SEMA3E: variants seen among roughly 807,000 people sequenced by gnomAD.
SEMA3E encodes the protein semaphorin 3E.
Under a neutral mutation model 93.6 loss-of-function variants are expected in SEMA3E, and 49 were observed. That is an observed-to-expected ratio of 0.52 (90% CI 0.42 to 0.66). SEMA3E has a LOEUF of 0.66. Ranked by LOEUF, SEMA3E falls within the 30% of genes least tolerant of loss-of-function variation. The pLI is 0.00. For missense variants in SEMA3E, 906 were observed against 964.8 expected, an observed-to-expected ratio of 0.94 and a Z score of 0.81; for synonymous variants, 363 against 330.7, an observed-to-expected ratio of 1.10 and a Z score of -1.06.
chr7:83,546,894 A>T (rs984903355), intron 1 of SEMA3E, among the ~76,000 whole-genome samples: 1 of 152,164 alleles, frequency 6.6e-6, no homozygotes, highest in African/African-American at 2.4e-5. Flanking sequence ...AATTTTATTG[A>T]TGAAGATACC....
At position 83,547,353 on chromosome 7, in the gene SEMA3E, C is replaced by T. The variant is rs1391066; in HGVS notation, c.116-57079G>A. 4.2e-3 allele frequency among the ~76,000 whole-genome samples: 643 copies of T among 152,190 alleles called. 3 individuals are homozygous for T. The highest frequency in any genetic ancestry group is 0.015 in the African/African-American group (606 of 41,544). On this transcript the variant is annotated intron_variant, in intron 1 of 16. Transcript: ENST00000643230. ...TGAGACTAGTTCATCGAGATGCTGT[C>T]AGTAGAATCATTGCTCTATAAACTT...
At chr7:83,636,792 G>A (rs1418137807) in intron 1 of SEMA3E, among the ~76,000 whole-genome samples, 1 of 152,046 alleles carries the variant, frequency 6.6e-6, no homozygotes, top group Non-Finnish European at 1.5e-5. Flanking sequence ...CACATGGCAG[G>A]ATGGTGCAAG....
intron 1 of SEMA3E, among the ~76,000 whole-genome samples, chr7:83,511,975 T>C (rs1159485110): frequency 6.6e-6 from 1 of 152,162 alleles, no homozygotes; most frequent in Non-Finnish European, 1.5e-5. Context: ...ATATGAAAAG[T>C]ATTTTCTAAG....
chr7:83,414,083 G>A (rs1788496086), intron 5 of SEMA3E, among the ~76,000 whole-genome samples: 1 of 152,152 alleles, frequency 6.6e-6, no homozygotes, highest in Admixed American at 6.6e-5. Context: ...AGCAGCATTG[G>A]ATAAGAAATT....
intron 1 of SEMA3E, among the ~76,000 whole-genome samples, chr7:83,561,133 T>A: frequency 6.6e-6 from 1 of 152,092 alleles, no homozygotes; most frequent in East Asian, 1.9e-4. Flanking sequence ...TTCAGGAATT[T>A]GTATTTATCA....
chr7:83,466,564 T>G lies in SEMA3E; in HGVS notation c.374A>C (p.Tyr125Ser). ...ACAGGTCAGAAGGTGTGTCCTGTTA[T>G]AGTGATGCAAAACCCGAACATAATT... ...CANYVRVLHHYNRTHLLTCGT... is the reference protein window; with the variant it reads ...CANYVRVLHHSNRTHLLTCGT... The change falls in exon 4 of 17, where the codon TAT becomes TCT. Residue 125 changes from tyrosine (Y) to serine (S), a missense_variant. Coordinates refer to ENST00000643230, the MANE Select transcript of SEMA3E (RefSeq NM_012431.3). The G allele has an allele frequency of 6.2e-7, 1 of 1,614,004 alleles. No homozygotes were observed. Among genetic ancestry groups the G allele is most frequent in the Non-Finnish European group, 8.5e-7 (1 of 1,180,006 alleles).
chr7:83,410,792 G>A (rs1345998798), intron 5 of SEMA3E, among the ~76,000 whole-genome samples: 1 of 152,012 alleles, frequency 6.6e-6, no homozygotes, highest in African/African-American at 2.4e-5. Context: ...ATTAACACAT[G>A]AGTGAGGATT....
chr7:83,504,744 G>C (rs938480531), intron 1 of SEMA3E, among the ~76,000 whole-genome samples: 1 of 152,020 alleles, frequency 6.6e-6, no homozygotes, highest in Non-Finnish European at 1.5e-5. Flanking sequence ...GAGGCAAATA[G>C]TACCTAAGAA....
chr7:83,522,787 G>A (rs1791076182), intron 1 of SEMA3E, among the ~76,000 whole-genome samples: 1 of 152,036 alleles, frequency 6.6e-6, no homozygotes, highest in Non-Finnish European at 1.5e-5. Flanking sequence ...CTACCTCAAT[G>A]CCTTCTGTTC....
At chr7:83,643,964 G>A (rs1029767376) in intron 1 of SEMA3E, among the ~76,000 whole-genome samples, 1 of 151,854 alleles carries the variant, frequency 6.6e-6, no homozygotes, top group Non-Finnish European at 1.5e-5. Flanking sequence ...ATTGGATGAG[G>A]AACCAAAGCT....
intron 1 of SEMA3E, among the ~76,000 whole-genome samples, chr7:83,606,610 G>T (rs1793124355): frequency 7.3e-6 from 1 of 137,882 alleles, no homozygotes; most frequent in African/African-American, 2.7e-5. Context: ...TGGGGACTGT[G>T]GTGGGGTCGG....
In SEMA3E at chr7:83,365,394, G is replaced by A. The variant is rs1484401565; in HGVS notation, c.*2192C>T. 4 of 152,024 alleles carry A rather than the reference G, an allele frequency of 2.6e-5. No homozygotes were observed. Among genetic ancestry groups the A allele is most frequent in the South Asian group, 2.1e-4 (1 of 4,830 alleles). 9.4% of individuals were successfully genotyped at this position (152,024 alleles called of 1,614,324 possible). The stretch of plus-strand genomic sequence containing the variant: ...CAAATTGTGGACTTGGGCCCTCAAA[G>A]TTTTCTTATCAATTTTCTTTCAAAT... On this transcript the variant is annotated 3_prime_UTR_variant, in exon 17 of 17. Transcript: ENST00000643230.
chr7:83,541,596 A>G (rs1340671256), intron 1 of SEMA3E, among the ~76,000 whole-genome samples: 1 of 152,166 alleles, frequency 6.6e-6, no homozygotes, highest in African/African-American at 2.4e-5. Flanking sequence ...CAGCAACAAG[A>G]TAATAACGGG....
intron 1 of SEMA3E, among the ~76,000 whole-genome samples, chr7:83,501,068 T>C (rs139661449): frequency 2.0e-5 from 3 of 152,358 alleles, no homozygotes; most frequent in East Asian, 1.9e-4. Context: ...TTAGCTCTTA[T>C]ACAATATTTA....
intron 2 of SEMA3E, among the ~76,000 whole-genome samples, chr7:83,480,468 T>C (rs893772353): frequency 3.3e-5 from 5 of 152,146 alleles, no homozygotes; most frequent in African/African-American, 1.2e-4. Flanking sequence ...ATTAAGATGT[T>C]TTAAAGTCAC....
rs1584245872 is a variant in SEMA3E at position 83,433,320 on chromosome 7, GT to G, written c.457-14838del. Among the ~76,000 whole-genome samples the G allele has an allele frequency of 2.0e-5, 3 of 152,240 alleles. No individual in the cohort carries two copies. The East Asian group carries it at 5.8e-4, about 29-fold the overall frequency. ...AACTAATAGTTACAAAGGGAACTGA[GT>G]GTCTTATTGAGGTTTATATTTCATA... is the stretch of plus-strand genomic sequence containing the variant. On this transcript the variant is annotated intron_variant, in intron 4 of 16. Transcript: ENST00000643230.
intron 1 of SEMA3E, among the ~76,000 whole-genome samples, chr7:83,580,747 A>G (rs568611812): frequency 1.3e-5 from 2 of 152,132 alleles, no homozygotes; most frequent in South Asian, 4.1e-4. Flanking sequence ...GTCAATTTAT[A>G]TAACCCTCTC....
At chr7:83,564,274 C>A (rs541905178) in intron 1 of SEMA3E, among the ~76,000 whole-genome samples, 1 of 152,142 alleles carries the variant, frequency 6.6e-6, no homozygotes, top group African/African-American at 2.4e-5. Context: ...CAAAAATTAG[C>A]CAGGCTTGGT....
At chr7:83,380,749 G>A (rs542068452) in intron 16 of SEMA3E, among the ~76,000 whole-genome samples, 4 of 151,914 alleles carry the variant, frequency 2.6e-5, no homozygotes, top group Non-Finnish European at 5.9e-5. Flanking sequence ...AACTTCACAA[G>A]AGCTAAGATG....
Sources: allele counts gnomAD v4.1 joint callset (sites outside exome capture counted in the v4.1 genomes callset), GRCh38; gene constraint gnomAD v4.1.1; transcripts MANE v1.5; gene names NCBI Gene and HGNC (gene_info 2026-07-23, HGNC 2026-07-21).